The following VWA8 variants were observed in gnomAD, a reference collection of about 807,000 sequenced individuals.
The protein encoded by VWA8 is von Willebrand factor A domain-containing protein 8.
In VWA8, 221 loss-of-function variants were observed where a neutral mutation model predicts 241.5. The ratio of observed to expected loss-of-function variants is 0.91; its 90% CI spans 0.82 to 1.02. VWA8 has a LOEUF of 1.02. Ranked by LOEUF, VWA8 falls within the 50% of genes least tolerant of loss-of-function variation. The probability of loss-of-function intolerance (pLI) is 0.00; values close to 1 mark genes in which losing one functional copy is unlikely to be tolerated. For synonymous variants in VWA8, 852 were observed against 827.1 expected, an observed-to-expected ratio of 1.03 and a Z score of -0.52; for missense variants, 2,322 against 2,328.7, an observed-to-expected ratio of 1.00 and a Z score of 0.06.
chr13:41,912,307 A>T, intron 2 of VWA8, 139 bp from the exon 3 acceptor site: 17 of 562,582 alleles, frequency 3.0e-5, no homozygotes, highest in South Asian at 7.7e-5. Flanking sequence ...AAACATATGT[A>T]TATAAATATA....
At chr13:41,686,750 T>C (rs1266191662) in intron 34 of VWA8, among the ~76,000 whole-genome samples, 1 of 152,108 alleles carries the variant, frequency 6.6e-6, no homozygotes, top group Non-Finnish European at 1.5e-5. Flanking sequence ...ATGTGACCCA[T>C]CTCCCATCTC....
chr13:41,722,869 T>C (rs1212683972), intron 24 of VWA8, among the ~76,000 whole-genome samples: 3 of 151,918 alleles, frequency 2.0e-5, no homozygotes, highest in African/African-American at 7.3e-5. Flanking sequence ...AGGAAGTGGA[T>C]AGAGCAGCAC....
In VWA8 at chr13:41,703,497, C is replaced by T. The variant is rs142952059; in HGVS notation, c.3117-86G>A. ...AACACGGCATCTATTATCAACCACACAAATAAATTTGAAGAGTGCTTTACT... is the reference window on the plus strand; with the variant it reads ...AACACGGCATCTATTATCAACCACATAAATAAATTTGAAGAGTGCTTTACT... On this transcript the variant is annotated intron_variant, in intron 26 of 44. Transcript: ENST00000379310. 1.9e-3 allele frequency: 2,183 copies of T among 1,156,346 alleles called. 26 individuals are homozygous for T. The African/African-American group carries it at 0.028, about 15-fold the overall frequency. The allele number at this position is 1,156,346 out of a possible 1,614,324, so 71.6% of individuals were successfully genotyped here.
At chr13:41,784,729 T>TATATATATATATATATACACAC (rs772522331) in intron 18 of VWA8, among the ~76,000 whole-genome samples, 1 of 60,080 alleles carries the variant, frequency 1.7e-5, no homozygotes, top group African/African-American at 5.6e-5. Context: ...TATATATATA[T>TATATATATATATATATACACAC]ACACACACAT....
At chr13:41,656,828 C>T (rs551921947) in intron 37 of VWA8, among the ~76,000 whole-genome samples, 1 of 152,312 alleles carries the variant, frequency 6.6e-6, no homozygotes, top group African/African-American at 2.4e-5. Context: ...GGAGCTGGCT[C>T]TTGCTGTCAA....
At chr13:41,788,041 T>C (rs1031566162) in intron 17 of VWA8, among the ~76,000 whole-genome samples, 1 of 152,194 alleles carries the variant, frequency 6.6e-6, no homozygotes, top group Admixed American at 6.5e-5. Flanking sequence ...TATCTGCTTA[T>C]CTATTCTATG....
intron 39 of VWA8, among the ~76,000 whole-genome samples, chr13:41,609,970 C>T (rs1566386428): frequency 6.6e-6 from 1 of 152,166 alleles, no homozygotes; most frequent in Non-Finnish European, 1.5e-5. Context: ...AAGAGAACCA[C>T]ACTCCTTACT....
At chr13:41,947,196 G>C (rs1877888469) in intron 2 of VWA8, among the ~76,000 whole-genome samples, 1 of 152,156 alleles carries the variant, frequency 6.6e-6, no homozygotes, top group African/African-American at 2.4e-5. Flanking sequence ...CCTGAATAAA[G>C]TCTTCCTTAC....
At chr13:41,920,223 C>G (rs1413839454) in intron 2 of VWA8, among the ~76,000 whole-genome samples, 2 of 152,142 alleles carry the variant, frequency 1.3e-5, no homozygotes, top group Admixed American at 1.3e-4. Context: ...CCTGTTGATT[C>G]TAGGTCCCAA....
At chr13:41,945,468 T>C (rs950862811) in intron 2 of VWA8, among the ~76,000 whole-genome samples, 2 of 151,954 alleles carry the variant, frequency 1.3e-5, no homozygotes, top group Non-Finnish European at 2.9e-5. Context: ...TTTGACTAAG[T>C]AGAAAAACAC....
At chr13:41,951,668 G>A (rs375029103) in intron 1 of VWA8, among the ~76,000 whole-genome samples, 2 of 152,280 alleles carry the variant, frequency 1.3e-5, no homozygotes, top group Admixed American at 1.3e-4. Context: ...AAAAGTAGTC[G>A]TGCAAAACTC....
chr13:41,621,365 G>A (rs189061584), intron 37 of VWA8, among the ~76,000 whole-genome samples: 1 of 152,244 alleles, frequency 6.6e-6, no homozygotes. Context: ...TCTAACTTAC[G>A]ATGGGTTTAT....
At chr13:41,661,338 T>C (rs955233262) in intron 37 of VWA8, among the ~76,000 whole-genome samples, 3 of 152,174 alleles carry the variant, frequency 2.0e-5, no homozygotes, top group Non-Finnish European at 4.4e-5. Flanking sequence ...ACTGGCATTT[T>C]CAGATTTTGG....
intron 21 of VWA8, among the ~76,000 whole-genome samples, chr13:41,747,171 C>G (rs2045614442): frequency 6.6e-6 from 1 of 152,208 alleles, no homozygotes; most frequent in African/African-American, 2.4e-5. Context: ...GACATTGGAT[C>G]TATAAATTAC....
chr13:41,816,834 C>T, intron 15 of VWA8, 59 bp from the exon 16 acceptor site: 2 of 1,286,672 alleles, frequency 1.6e-6, no homozygotes, highest in Non-Finnish European at 2.2e-6. Context: ...TCTGATCAAT[C>T]AATCAGAAAT....
At chr13:41,753,513 T>C (rs1281512909) in intron 21 of VWA8, among the ~76,000 whole-genome samples, 1 of 152,174 alleles carries the variant, frequency 6.6e-6, no homozygotes, top group African/African-American at 2.4e-5. Flanking sequence ...CCATATATTC[T>C]CTTCTGTTTT....
intron 3 of VWA8, among the ~76,000 whole-genome samples, chr13:41,908,633 G>A (rs1339151630): frequency 2.0e-5 from 3 of 151,962 alleles, no homozygotes; most frequent in African/African-American, 7.2e-5. Context: ...AACAGAAAGA[G>A]GACAAAAAAA....
Position 41,721,485 on chromosome 13 carries a change from G to A in VWA8, c.2849C>T (p.Pro950Leu). The stretch of plus-strand genomic sequence containing the variant: ...GGCAGCCACAAGCTTCTGAAGGATG[G>A]GCTCAGGCACATTTGGTCCATACTG... ...LRQYGPNVPE[P>L]ILQKLVAAFG... Residue 950 changes from proline (P) to leucine (L), a missense_variant, in exon 25 of 45, where the codon CCC becomes CTC. Pro to Leu is a moderately conservative substitution (Grantham distance 98, BLOSUM62 -3). Transcript: ENST00000379310. 6.2e-7 allele frequency: 1 copy of A among 1,613,856 alleles called. No homozygotes were observed. Among genetic ancestry groups the A allele is most frequent in the South Asian group, 1.1e-5 (1 of 91,072 alleles).
chr13:41,721,584 G>C lies in VWA8; in HGVS notation c.2759-9C>G, dbSNP rs770634506. On this transcript the variant is annotated splice_polypyrimidine_tract_variant and intron_variant, in intron 24 of 44. Coordinates refer to ENST00000379310, the MANE Select transcript of VWA8 (RefSeq NM_015058.2). The stretch of plus-strand genomic sequence containing the variant: ...GCAGCTAAAAATATCACCTAAAGGA[G>C]AGAAAAGATTCACATTCAGTATGCA... The C allele has an allele frequency of 1.9e-5, 30 of 1,603,094 alleles. No homozygotes were observed. The highest frequency in any genetic ancestry group is 1.7e-4 in the Middle Eastern group (1 of 6,000).
Sources: allele counts gnomAD v4.1 joint callset (sites outside exome capture counted in the v4.1 genomes callset), GRCh38; gene constraint gnomAD v4.1.1; transcripts MANE v1.5; gene names NCBI Gene and HGNC (gene_info 2026-07-23, HGNC 2026-07-21).